The following ROBO1 variants were observed in gnomAD, a reference collection of about 807,000 sequenced individuals.
ROBO1 encodes roundabout homolog 1.
Under a neutral mutation model 195.9 loss-of-function variants are expected in ROBO1, and 149 were observed. The ratio of observed to expected loss-of-function variants is 0.76; its 90% CI spans 0.67 to 0.87. ROBO1 has a LOEUF of 0.87. Among genes scored for constraint, ROBO1 ranks in the 40% least tolerant of loss-of-function variants. ROBO1 has a pLI of 0.00. For missense variants in ROBO1, 1,933 were observed against 2,068.3 expected (o/e 0.93, Z 1.27); for synonymous variants, 816 against 733.2 (o/e 1.11, Z -1.82).
chr3:79,614,954 A>C (rs1944774316), intron 1 of ROBO1, among the ~76,000 whole-genome samples: 2 of 152,310 alleles, frequency 1.3e-5, no homozygotes, highest in South Asian at 4.1e-4. Context: ...AACCAAAAAT[A>C]GAATTTTGAG....
At chr3:79,263,415 A>G (rs1576893328) in intron 2 of ROBO1, among the ~76,000 whole-genome samples, 2 of 152,190 alleles carry the variant, frequency 1.3e-5, no homozygotes, top group African/African-American at 4.8e-5. Flanking sequence ...TTGAGAGTCC[A>G]AGGCAGGAAA....
At chr3:79,003,971 C>A (rs2077564343) in intron 3 of ROBO1, among the ~76,000 whole-genome samples, 1 of 152,146 alleles carries the variant, frequency 6.6e-6, no homozygotes, top group Admixed American at 6.5e-5. Context: ...CCAGCAACAA[C>A]CTACTCTAAA....
intron 1 of ROBO1, among the ~76,000 whole-genome samples, chr3:79,695,690 G>A (rs13097654): frequency 0.3 from 45,825 of 151,070 alleles, 7,901 homozygotes; most frequent in East Asian, 0.53. Context: ...TATTAACAAA[G>A]AATTATGTTG....
At chr3:79,374,899 G>A (rs17016895) in intron 2 of ROBO1, among the ~76,000 whole-genome samples, 5,215 of 152,138 alleles carry the variant, frequency 0.034, 198 homozygotes, top group African/African-American at 0.098. Context: ...CTAGGCAAAG[G>A]ACTTTAGCAT....
chr3:79,409,188 T>G (rs192108168), intron 2 of ROBO1, among the ~76,000 whole-genome samples: 1 of 152,232 alleles, frequency 6.6e-6, no homozygotes, highest in Non-Finnish European at 1.5e-5. Context: ...AAATGCAATC[T>G]ATTTTGAAGT....
At chr3:79,676,028 T>C (rs1946774443) in intron 1 of ROBO1, among the ~76,000 whole-genome samples, 1 of 152,044 alleles carries the variant, frequency 6.6e-6, no homozygotes, top group Non-Finnish European at 1.5e-5. Flanking sequence ...TTAATTTGCA[T>C]GCTTTTCTCT....
At chr3:79,014,816 C>T (rs2077882400) in intron 3 of ROBO1, among the ~76,000 whole-genome samples, 2 of 152,042 alleles carry the variant, frequency 1.3e-5, no homozygotes, top group South Asian at 4.1e-4. Flanking sequence ...TTTTAAAGGT[C>T]AGAAATTAAC....
At chr3:79,536,178 A>G (rs1941854054) in intron 2 of ROBO1, among the ~76,000 whole-genome samples, 1 of 152,130 alleles carries the variant, frequency 6.6e-6, no homozygotes, top group African/African-American at 2.4e-5. Context: ...CAGACTATAT[A>G]TATACATATA....
intron 2 of ROBO1, among the ~76,000 whole-genome samples, chr3:79,303,159 GGTTTTTTTTTT>G (rs2033050892): frequency 1.4e-5 from 1 of 72,090 alleles, no homozygotes; most frequent in South Asian, 5.1e-4. Context: ...ATCTCACATA[GGTTTTTTTTTT>G]TTTTTTTTTT....
At chr3:78,781,725 C>T (rs1397998914) in intron 4 of ROBO1, among the ~76,000 whole-genome samples, 2 of 151,906 alleles carry the variant, frequency 1.3e-5, no homozygotes, top group East Asian at 1.9e-4. Context: ...AACAACATTC[C>T]AGGGCTATAG....
At chr3:79,284,064 T>C (rs867025165) in intron 2 of ROBO1, among the ~76,000 whole-genome samples, 1 of 152,040 alleles carries the variant, frequency 6.6e-6, no homozygotes, top group East Asian at 1.9e-4. Context: ...TTTTCTCATC[T>C]GATAGGCCTA....
intron 1 of ROBO1, among the ~76,000 whole-genome samples, chr3:79,693,852 A>G (rs574374545): frequency 2.6e-5 from 4 of 151,812 alleles, no homozygotes; most frequent in South Asian, 2.1e-4. Context: ...CTAATTATCA[A>G]ATACCAACTT....
chr3:78,702,606 T>C (rs2081445443), intron 8 of ROBO1, among the ~76,000 whole-genome samples: 1 of 152,218 alleles, frequency 6.6e-6, no homozygotes, highest in Non-Finnish European at 1.5e-5. Context: ...AGCAGAAAAG[T>C]AATTTATTTC....
At chr3:78,883,014 T>C (rs2036278809) in intron 4 of ROBO1, among the ~76,000 whole-genome samples, 1 of 152,006 alleles carries the variant, frequency 6.6e-6, no homozygotes, top group Non-Finnish European at 1.5e-5. Context: ...GGTTTCACCA[T>C]GTTGGCCAGG....
At chr3:79,463,084 C>T (rs1179616581) in intron 2 of ROBO1, among the ~76,000 whole-genome samples, 1 of 152,048 alleles carries the variant, frequency 6.6e-6, no homozygotes, top group Non-Finnish European at 1.5e-5. Flanking sequence ...CTGTCAGAAC[C>T]TTTTCAAGGC....
chr3:79,117,326 C>T (rs1477381192), intron 3 of ROBO1, among the ~76,000 whole-genome samples: 1 of 151,728 alleles, frequency 6.6e-6, no homozygotes, highest in Non-Finnish European at 1.5e-5. Flanking sequence ...GTCAAGATCG[C>T]ACCACTGCAC....
At chr3:79,662,329 G>A (rs1202454580) in intron 1 of ROBO1, among the ~76,000 whole-genome samples, 2 of 152,012 alleles carry the variant, frequency 1.3e-5, no homozygotes, top group Non-Finnish European at 2.9e-5. Flanking sequence ...TCTTGCAAAT[G>A]TTCTACATTA....
chr3:79,507,368 T>A (rs748700473), intron 2 of ROBO1, among the ~76,000 whole-genome samples: 1 of 152,212 alleles, frequency 6.6e-6, no homozygotes, highest in Non-Finnish European at 1.5e-5. Flanking sequence ...CAGGGGTTTT[T>A]GTTCACTGAC....
intron 2 of ROBO1, among the ~76,000 whole-genome samples, chr3:79,220,750 C>T (rs1001310653): frequency 2.0e-5 from 3 of 151,996 alleles, no homozygotes; most frequent in African/African-American, 7.2e-5. Context: ...TTCTCCTTTG[C>T]CTCCTTATGT....
Sources: allele counts gnomAD v4.1 joint callset (sites outside exome capture counted in the v4.1 genomes callset), GRCh38; gene constraint gnomAD v4.1.1; transcripts MANE v1.5; gene names NCBI Gene and HGNC (gene_info 2026-07-23, HGNC 2026-07-21).